Variants in STRA8 observed in about 807,000 individuals in gnomAD.
The protein encoded by STRA8 is stimulated by retinoic acid 8.
STRA8 carries 18 observed loss-of-function variants against 37.1 expected under a neutral mutation model. That is an observed-to-expected ratio of 0.48 (90% CI 0.34 to 0.72). The LOEUF (loss-of-function observed/expected upper bound fraction) is 0.72. Among genes scored for constraint, STRA8 ranks in the 30% least tolerant of loss-of-function variants. The pLI is 0.01. For synonymous variants in STRA8, 168 were observed against 162.9 expected (o/e 1.03, Z -0.24); for missense variants, 357 against 410.4 (o/e 0.87, Z 1.13).
chr7:135,257,029 C>T (rs952807004), intron 8 of STRA8, among the ~76,000 whole-genome samples: 14 of 152,152 alleles, frequency 9.2e-5, no homozygotes, highest in African/African-American at 3.1e-4. Flanking sequence ...ACAAGGGGCC[C>T]ACAAGATTTG....
In STRA8 at chr7:135,246,494, C is replaced by A; in HGVS notation, c.671C>A (p.Pro224His). 6.3e-7 allele frequency: 1 copy of A among 1,580,068 alleles called. No homozygotes were observed. ...ATTACCCCGCAGGAGGCGGCGCTGCCCATCGTCTCCGCGGCCATCTCCCAC... is the reference window on the plus strand; with the variant it reads ...ATTACCCCGCAGGAGGCGGCGCTGCACATCGTCTCCGCGGCCATCTCCCAC... ...GIITPQEAAL[P>H]IVSAAISHLW... Residue 224 changes from proline to histidine, a missense_variant, in exon 6 of 9, where the codon CCC becomes CAC. By Grantham distance (77) the Pro-to-His change is moderately conservative. Coordinates refer to ENST00000662584, the MANE Select transcript of STRA8 (RefSeq NM_001394401.1). The surrounding 1 kb of genome is among the most constrained non-coding windows in gnomAD (Gnocchi z 5.4).
chr7:135,234,198 C>G (rs1832336444), intron 1 of STRA8, among the ~76,000 whole-genome samples: 5 of 152,080 alleles, frequency 3.3e-5, no homozygotes, highest in Non-Finnish European at 7.3e-5. Context: ...CCTCCGCCTC[C>G]CGGGTTCAAG....
chr7:135,244,050 T>G (rs897732171), intron 4 of STRA8, among the ~76,000 whole-genome samples: 2 of 152,148 alleles, frequency 1.3e-5, no homozygotes, highest in African/African-American at 4.8e-5. Flanking sequence ...TTTGTTTTTG[T>G]TTTTGGTTTG....
At chr7:135,236,708 G>A (rs1157884354) in intron 1 of STRA8, among the ~76,000 whole-genome samples, 5 of 152,132 alleles carry the variant, frequency 3.3e-5, no homozygotes, top group Non-Finnish European at 5.9e-5. Context: ...TCGGGTTAGG[G>A]TGGAACTAAG....
intron 2 of STRA8, among the ~76,000 whole-genome samples, chr7:135,241,068 C>T (rs1832457646): frequency 6.6e-6 from 1 of 152,086 alleles, no homozygotes; most frequent in South Asian, 2.1e-4. Context: ...CTTCCAAAAG[C>T]CCCCACCTCT....
intron 7 of STRA8, 144 bp downstream of exon 7, chr7:135,252,013 A>AGAGAGAGTGTGT (rs142941773): frequency 1.9e-4 from 96 of 505,372 alleles, no homozygotes; most frequent in African/African-American, 1.8e-3. Context: ...AGAGAGAGAG[A>AGAGAGAGTGTGT]GTGTGTGTGT....
chr7:135,256,293 T>C (rs1832701859), intron 8 of STRA8, among the ~76,000 whole-genome samples: 1 of 152,214 alleles, frequency 6.6e-6, no homozygotes, highest in African/African-American at 2.4e-5. Context: ...CCACAGTGAA[T>C]CCTTATGTGG....
intron 6 of STRA8, among the ~76,000 whole-genome samples, chr7:135,249,639 C>T (rs1451051280): frequency 6.6e-6 from 1 of 152,196 alleles, no homozygotes; most frequent in Non-Finnish European, 1.5e-5. Context: ...CATAAATACA[C>T]TCTGTGATGT....
intron 2 of STRA8, among the ~76,000 whole-genome samples, chr7:135,242,123 T>C (rs1196250453): frequency 1.7e-5 from 1 of 60,338 alleles, no homozygotes; most frequent in East Asian, 4.9e-4. Flanking sequence ...AAAAAGGAAG[T>C]TGGAAGGGAG....
intron 6 of STRA8, among the ~76,000 whole-genome samples, chr7:135,249,831 A>G (rs1426966482): frequency 6.6e-6 from 1 of 152,222 alleles, no homozygotes; most frequent in Non-Finnish European, 1.5e-5. Flanking sequence ...TCTCCAAATC[A>G]TGGAAACAGC....
At chr7:135,243,136 A>G (rs1048642713) in intron 3 of STRA8, among the ~76,000 whole-genome samples, 190 bp from the exon 4 acceptor site, 3 of 152,138 alleles carry the variant, frequency 2.0e-5, no homozygotes, top group African/African-American at 4.8e-5. Context: ...GGCCAGAGGA[A>G]AAGTGGGCTC....
intron 6 of STRA8, among the ~76,000 whole-genome samples, chr7:135,249,976 G>A (rs1372770589): frequency 6.6e-6 from 1 of 152,258 alleles, no homozygotes; most frequent in Non-Finnish European, 1.5e-5. Context: ...GGCCAGGCCA[G>A]GGCTGGGCGA....
At chr7:135,255,750 C>T (rs139170756) in intron 8 of STRA8, among the ~76,000 whole-genome samples, 99 of 152,314 alleles carry the variant, frequency 6.5e-4, no homozygotes, top group African/African-American at 2.0e-3. Flanking sequence ...AATTGTCTTC[C>T]GTGAAACTGG....
upstream of STRA8, among the ~76,000 whole-genome samples, chr7:135,232,865 A>G (rs1832313927): frequency 6.6e-6 from 1 of 152,090 alleles, no homozygotes; most frequent in Non-Finnish European, 1.5e-5. Context: ...TAAGCCTGTG[A>G]CCCCTGTTTC....
At chr7:135,250,630 C>T (rs897591169) in intron 6 of STRA8, among the ~76,000 whole-genome samples, 7 of 152,166 alleles carry the variant, frequency 4.6e-5, no homozygotes, top group Non-Finnish European at 4.4e-5. Context: ...GAGACCCTGG[C>T]GGAACCTGCC....
chr7:135,246,200 G>C lies in STRA8; in HGVS notation c.594-217G>C. 1 of 615,022 alleles carries C rather than the reference G, an allele frequency of 1.6e-6. No homozygotes were observed. Among genetic ancestry groups the C allele is most frequent in the Non-Finnish European group, 2.8e-6 (1 of 352,704 alleles). The allele number at this position is 615,022 out of a possible 1,614,324, so 38.1% of individuals were successfully genotyped here. A position where few individuals can be genotyped will look rare whatever the true frequency, so the allele number is the denominator to read the frequency against. On this transcript the variant is annotated intron_variant, in intron 5 of 8. Transcript: ENST00000662584. This position sits in a 1 kb window ranked among gnomAD's most constrained non-coding sequence, Gnocchi z 5.4. The stretch of plus-strand genomic sequence containing the variant: ...TGGGGCAGGGACTGGGAGAACTTGG[G>C]GAGGGGCCCCAAAGCCCAAGTCTAT...
chr7:135,255,206 C>T lies in STRA8; in HGVS notation c.1046C>T (p.Ala349Val), dbSNP rs766863660. The change falls in exon 8 of 9, where the codon GCA becomes GTA. Residue 349 changes from alanine to valine, a missense_variant. Transcript: ENST00000662584. ...AACTTTTTTAAAGGCCTTAGCTGTGCAAACACTCAAGTAAAGCAGGTAGGA... is the reference window on the plus strand; with the variant it reads ...AACTTTTTTAAAGGCCTTAGCTGTGTAAACACTCAAGTAAAGCAGGTAGGA... ...IINFFKGLSCANTQVKQEASF... is the reference protein window; with the variant it reads ...IINFFKGLSCVNTQVKQEASF... 4.3e-6 allele frequency: 7 copies of T among 1,613,546 alleles called. No homozygotes were observed. Among genetic ancestry groups the T allele is most frequent in the Non-Finnish European group, 5.9e-6 (7 of 1,179,504 alleles).
intron 1 of STRA8, among the ~76,000 whole-genome samples, chr7:135,236,796 C>A (rs1314219168): frequency 1.3e-5 from 2 of 152,182 alleles, no homozygotes; most frequent in Non-Finnish European, 2.9e-5. Context: ...AGTGTCTCTG[C>A]CCATCCCCAC....
intron 1 of STRA8, among the ~76,000 whole-genome samples, chr7:135,237,777 A>G (rs1002747648): frequency 6.6e-6 from 1 of 152,212 alleles, no homozygotes; most frequent in South Asian, 2.1e-4. Context: ...CTGTAATCCC[A>G]GCTACTCAGG....
Sources: allele counts gnomAD v4.1 joint callset (sites outside exome capture counted in the v4.1 genomes callset), GRCh38; gene constraint gnomAD v4.1.1; non-coding constraint Gnocchi (gnomAD v3.1); transcripts MANE v1.5; gene names NCBI Gene and HGNC (gene_info 2026-07-23, HGNC 2026-07-21).